Variants in LOC400499 observed in about 807,000 individuals in gnomAD.
chr16:11,398,276 C>T, the LOC400499 span: 3 of 1,195,272 alleles, frequency 2.5e-6, no homozygotes, highest in African/African-American at 1.6e-5. Context: ...TCTGCGGGCA[C>T]CACCCTCACT....
the LOC400499 span, chr16:11,446,556 CT>C: frequency 6.5e-7 from 1 of 1,536,076 alleles, no homozygotes; most frequent in Non-Finnish European, 8.7e-7. Context: ...TTACCGTGTG[CT>C]GATTCCAAGT....
the LOC400499 span, among the ~76,000 whole-genome samples, chr16:11,451,094 G>A: frequency 0.045 from 6,886 of 152,242 alleles, 845 homozygotes; most frequent in East Asian, 0.29. Context: ...ATGCTGAAAC[G>A]TTTAGGAGTG....
At chr16:11,383,089 G>A in the LOC400499 span, among the ~76,000 whole-genome samples, 9 of 120,740 alleles carry the variant, frequency 7.5e-5, no homozygotes, top group East Asian at 3.9e-4. Context: ...TTTTTGAGAC[G>A]GAGTCTCACT....
At chr16:11,500,271 G>A in the LOC400499 span, among the ~76,000 whole-genome samples, 1 of 152,198 alleles carries the variant, frequency 6.6e-6, no homozygotes, top group African/African-American at 2.4e-5. Flanking sequence ...ACTGTGGGAG[G>A]CTGAGGTGGG....
the LOC400499 span, among the ~76,000 whole-genome samples, chr16:11,410,938 G>C: frequency 1.3e-5 from 2 of 152,236 alleles, no homozygotes; most frequent in Non-Finnish European, 2.9e-5. Flanking sequence ...ATCTGCTCCA[G>C]CTTCTACAAG....
chr16:11,405,548 T>A, the LOC400499 span, among the ~76,000 whole-genome samples: 1 of 152,090 alleles, frequency 6.6e-6, no homozygotes, highest in Admixed American at 6.5e-5. Context: ...GTGCAAAGGT[T>A]CGGAGAGGGA....
the LOC400499 span, among the ~76,000 whole-genome samples, chr16:11,451,233 T>C: frequency 6.6e-6 from 1 of 152,230 alleles, no homozygotes; most frequent in Non-Finnish European, 1.5e-5. Context: ...GAGAGGATGC[T>C]GGTAATCACT....
At chr16:11,475,700 G>T in the LOC400499 span, 1 of 399,086 alleles carries the variant, frequency 2.5e-6, no homozygotes, top group East Asian at 3.6e-5. Context: ...CCCTGGTGAT[G>T]AGGTACAGCT....
At chr16:11,387,404 G>C in the LOC400499 span, 1 of 910,846 alleles carries the variant, frequency 1.1e-6, no homozygotes, top group East Asian at 3.3e-5. Context: ...TGGAGAGCAT[G>C]AGGGTGCCTT....
chr16:11,463,419 T>A, the LOC400499 span, among the ~76,000 whole-genome samples: 14 of 142,074 alleles, frequency 9.9e-5, no homozygotes, highest in African/African-American at 3.4e-4. Flanking sequence ...TGTGTACAGA[T>A]GTATCTGTAC....
At chr16:11,400,523 C>G in the LOC400499 span, among the ~76,000 whole-genome samples, 1 of 151,982 alleles carries the variant, frequency 6.6e-6, no homozygotes, top group African/African-American at 2.4e-5. Context: ...TCACTGCAAC[C>G]TCCACCTCCA....
the LOC400499 span, chr16:11,399,181 C>T: frequency 4.1e-6 from 4 of 983,982 alleles, no homozygotes; most frequent in African/African-American, 7.0e-5. Context: ...CCCGATCTCC[C>T]TCCGCCCCCT....
chr16:11,450,737 C>G, the LOC400499 span: 2 of 1,536,164 alleles, frequency 1.3e-6, no homozygotes, highest in Non-Finnish European at 1.7e-6. Context: ...AGCTCCAGGA[C>G]AGCCTGGAAC....
At chr16:11,412,491 C>A in the LOC400499 span, among the ~76,000 whole-genome samples, 5 of 152,228 alleles carry the variant, frequency 3.3e-5, no homozygotes, top group African/African-American at 1.2e-4. Flanking sequence ...GACCTGAGGG[C>A]TAGAGCCTGG....
At chr16:11,500,761 G>A in the LOC400499 span, 258,110 of 398,556 alleles carry the variant, frequency 0.65, 84,454 homozygotes, top group Admixed American at 0.75. Flanking sequence ...GCCAAGCCAC[G>A]GAGGGAGGAC....
the LOC400499 span, among the ~76,000 whole-genome samples, chr16:11,416,851 T>G: frequency 6.6e-6 from 1 of 151,248 alleles, no homozygotes; most frequent in Non-Finnish European, 1.5e-5. Flanking sequence ...TAGCAAGGAG[T>G]GGAACAAGTA....
At chr16:11,434,560 T>C in the LOC400499 span, among the ~76,000 whole-genome samples, 1 of 152,118 alleles carries the variant, frequency 6.6e-6, no homozygotes, top group African/African-American at 2.4e-5. Context: ...AACTGCTTGA[T>C]GGGGAAAAAG....
chr16:11,471,038 C>T, the LOC400499 span, among the ~76,000 whole-genome samples: 11 of 152,210 alleles, frequency 7.2e-5, no homozygotes, highest in Admixed American at 2.0e-4. Flanking sequence ...TGCCAAGGGC[C>T]TGTGGGTCAC....
At chr16:11,487,625 C>T in the LOC400499 span, among the ~76,000 whole-genome samples, 2 of 152,216 alleles carry the variant, frequency 1.3e-5, no homozygotes, top group Non-Finnish European at 2.9e-5. Flanking sequence ...GCACCCGACC[C>T]CCAACCCCAG....
Sources: allele counts gnomAD v4.1 joint callset (sites outside exome capture counted in the v4.1 genomes callset), GRCh38; gene constraint gnomAD v4.1.1; transcripts MANE v1.5.